THRB: variants seen among roughly 807,000 people sequenced by gnomAD.
THRB encodes nuclear receptor subfamily 1 group A member 2.
THRB carries 12 observed loss-of-function variants against 47.8 expected under a neutral mutation model. That is an observed-to-expected ratio of 0.25 (90% CI 0.16 to 0.41). THRB has a LOEUF of 0.41. Ranked by LOEUF, THRB falls within the 10% of genes least tolerant of loss-of-function variation. THRB has a pLI of 1.00. For missense variants in THRB, 348 were observed against 589.2 expected, an observed-to-expected ratio of 0.59 and a Z score of 4.24; for synonymous variants, 218 against 212.2, an observed-to-expected ratio of 1.03 and a Z score of -0.24.
chr3:24,294,719 T>G (rs750980599), intron 3 of THRB, among the ~76,000 whole-genome samples: 1 of 152,146 alleles, frequency 6.6e-6, no homozygotes, highest in Non-Finnish European at 1.5e-5. Context: ...TGCCACCCAA[T>G]TAACTAAATT....
At chr3:24,357,036 C>A (rs1155071) in intron 1 of THRB, among the ~76,000 whole-genome samples, 2 of 151,504 alleles carry the variant, frequency 1.3e-5, no homozygotes, top group African/African-American at 4.8e-5. Flanking sequence ...CCATGATTCT[C>A]GGTGACCTAT....
intron 7 of THRB, among the ~76,000 whole-genome samples, chr3:24,146,270 C>T (rs576248316): frequency 6.6e-6 from 1 of 152,310 alleles, no homozygotes; most frequent in Non-Finnish European, 1.5e-5. Context: ...TAGGACTAGT[C>T]CCTGAGGCTC....
intron 1 of THRB, among the ~76,000 whole-genome samples, chr3:24,401,161 T>C (rs962858233): frequency 5.9e-5 from 9 of 152,030 alleles, no homozygotes; most frequent in African/African-American, 2.2e-4. Flanking sequence ...ACCTGGCCTC[T>C]AAAGGCACGA....
At chr3:24,391,874 G>A (rs914546593) in intron 1 of THRB, among the ~76,000 whole-genome samples, 1 of 152,064 alleles carries the variant, frequency 6.6e-6, no homozygotes, top group African/African-American at 2.4e-5. Context: ...TCTTCGTAGC[G>A]GTAATGGGAA....
chr3:24,222,685 T>C lies in THRB; in HGVS notation c.22+6253A>G, dbSNP rs185082168. Among the ~76,000 whole-genome samples, 8 of 152,298 alleles carry C rather than the reference T, an allele frequency of 5.3e-5. 1 individual carries two copies. Among genetic ancestry groups the C allele is most frequent in the African/African-American group, 1.7e-4 (7 of 41,560 alleles). On this transcript the variant is annotated intron_variant, in intron 4 of 10. Coordinates refer to ENST00000646209, the MANE Select transcript of THRB (RefSeq NM_001354712.2). ...GACAGATGCTTCCTTTCTAGCCTAC[T>C]TGCAGTGAGATTTTTATTTCTTTTA...
intron 1 of THRB, among the ~76,000 whole-genome samples, chr3:24,487,498 T>C (rs960682668): frequency 5.9e-5 from 9 of 152,014 alleles, no homozygotes; most frequent in African/African-American, 1.9e-4. Flanking sequence ...TTCCCAAACA[T>C]AATTGAGCCT....
At chr3:24,218,363 A>T (rs1410759187) in intron 4 of THRB, among the ~76,000 whole-genome samples, 47 of 76,198 alleles carry the variant, frequency 6.2e-4, no homozygotes, top group Admixed American at 1.2e-3. Context: ...TTTTTTTTTT[A>T]AAAAGAAAAG....
intron 4 of THRB, among the ~76,000 whole-genome samples, chr3:24,214,630 T>C (rs2046382940): frequency 6.6e-6 from 1 of 152,108 alleles, no homozygotes; most frequent in Non-Finnish European, 1.5e-5. Flanking sequence ...TTATCCTCCT[T>C]CTCTTGGGGA....
chr3:24,160,726 C>T (rs957850925), intron 5 of THRB, among the ~76,000 whole-genome samples: 5 of 152,102 alleles, frequency 3.3e-5, no homozygotes, highest in African/African-American at 7.2e-5. Context: ...GGTGGTAGGG[C>T]GGGAAGCGGC....
At chr3:24,418,467 A>G (rs1262963168) in intron 1 of THRB, among the ~76,000 whole-genome samples, 1 of 151,876 alleles carries the variant, frequency 6.6e-6, no homozygotes, top group Non-Finnish European at 1.5e-5. Flanking sequence ...TTCCAACACC[A>G]TTTGAAAACT....
chr3:24,477,431 T>A lies in THRB; in HGVS notation c.-261+17221A>T, dbSNP rs546008461. Among the ~76,000 whole-genome samples, 23 of 152,230 alleles carry A rather than the reference T, an allele frequency of 1.5e-4. 2 individuals carry two copies. The highest frequency in any genetic ancestry group is 2.1e-4 in the South Asian group (1 of 4,810). On this transcript the variant is annotated intron_variant, in intron 1 of 10. Coordinates refer to ENST00000646209, the MANE Select transcript of THRB (RefSeq NM_001354712.2). ...ACTCCAGAGTGAATCCAAACTCCAA[T>A]GCAAATGAATCCCCTGGGGACCTTG...
At chr3:24,427,241 C>T (rs2069858996) in intron 1 of THRB, among the ~76,000 whole-genome samples, 1 of 152,004 alleles carries the variant, frequency 6.6e-6, no homozygotes, top group Non-Finnish European at 1.5e-5. Context: ...AGCACAATCA[C>T]CCCTTCCCAA....
intron 4 of THRB, among the ~76,000 whole-genome samples, chr3:24,220,664 G>C (rs866651): frequency 0.21 from 32,091 of 152,006 alleles, 3,664 homozygotes; most frequent in Admixed American, 0.32. Flanking sequence ...GGAGGTTTTT[G>C]CTAATCTGAC....
At chr3:24,250,855 A>C (rs1178118639) in intron 3 of THRB, among the ~76,000 whole-genome samples, 1 of 152,302 alleles carries the variant, frequency 6.6e-6, no homozygotes, top group South Asian at 2.1e-4. Flanking sequence ...AACATCACTA[A>C]TGTTAATCTA....
At chr3:24,172,559 CTT>C (rs1324422374) in intron 5 of THRB, among the ~76,000 whole-genome samples, 1 of 152,094 alleles carries the variant, frequency 6.6e-6, no homozygotes, top group African/African-American at 2.4e-5. Flanking sequence ...TAAGGGGAGA[CTT>C]TTGTTCACAA....
At chr3:24,244,053 G>A (rs113263944) in intron 3 of THRB, among the ~76,000 whole-genome samples, 67 of 152,264 alleles carry the variant, frequency 4.4e-4, no homozygotes, top group African/African-American at 1.6e-3. Flanking sequence ...GGAAGTGGAC[G>A]AGTGGTCAGC....
At chr3:24,265,385 G>T (rs971389676) in intron 3 of THRB, among the ~76,000 whole-genome samples, 1 of 152,198 alleles carries the variant, frequency 6.6e-6, no homozygotes, top group African/African-American at 2.4e-5. Context: ...TTTAGGAAAT[G>T]TCTCAGTGCT....
chr3:24,201,200 T>A (rs2044551602), intron 4 of THRB, among the ~76,000 whole-genome samples: 1 of 152,118 alleles, frequency 6.6e-6, no homozygotes, highest in South Asian at 2.1e-4. Flanking sequence ...TTCCTGTTAT[T>A]TTTCCCCTGA....
chr3:24,197,361 G>T (rs2044068894), intron 4 of THRB, among the ~76,000 whole-genome samples: 1 of 152,188 alleles, frequency 6.6e-6, no homozygotes, highest in South Asian at 2.1e-4. Context: ...GCTTGCCAAG[G>T]TTCAAATTCT....
Sources: gnomAD v4.1 joint callset for allele counts (sites outside exome capture counted in the v4.1 genomes callset) on GRCh38, gnomAD v4.1.1 for gene constraint, MANE v1.5 for transcripts, NCBI Gene and HGNC (gene_info 2026-07-23, HGNC 2026-07-21) for gene names.